The following KAZN variants were observed in gnomAD, a reference collection of about 807,000 sequenced individuals.
The protein encoded by KAZN is kazrin, periplakin interacting protein.
In KAZN, 40 loss-of-function variants were observed where a neutral mutation model predicts 87.4. The ratio of observed to expected loss-of-function variants is 0.46; its 90% confidence interval spans 0.36 to 0.60. The LOEUF is 0.60. Among genes scored for constraint, KAZN ranks in the 20% least tolerant of loss-of-function variants. The pLI, the probability that KAZN is intolerant of heterozygous loss-of-function variation, is 0.00. For missense variants in KAZN, 898 were observed against 1,073.9 expected (o/e 0.84, Z 2.29); for synonymous variants, 466 against 458.3 (o/e 1.02, Z -0.22).
intron 13 of KAZN, among the ~76,000 whole-genome samples, chr1:15,107,851 A>G (rs1460306169): frequency 6.6e-6 from 1 of 152,018 alleles, no homozygotes; most frequent in Non-Finnish European, 1.5e-5. Context: ...CTTCCTCTGT[A>G]ATAGGGGAAT....
chr1:14,001,654 A>G (rs759527567), intron 1 of KAZN, among the ~76,000 whole-genome samples: 20 of 152,326 alleles, frequency 1.3e-4, no homozygotes, highest in Admixed American at 5.9e-4. Context: ...ACCAAAACAG[A>G]CATATAGACC....
chr1:13,938,820 T>C (rs1019371771), intron 1 of KAZN, among the ~76,000 whole-genome samples: 2 of 152,232 alleles, frequency 1.3e-5, no homozygotes, highest in Non-Finnish European at 2.9e-5. Flanking sequence ...GCCTGCAGGC[T>C]TAACACCATG....
intron 8 of KAZN, among the ~76,000 whole-genome samples, chr1:15,068,363 G>A (rs952320143): frequency 2.0e-5 from 3 of 151,982 alleles, no homozygotes; most frequent in Non-Finnish European, 4.4e-5. Flanking sequence ...CGCCTCTGCC[G>A]CCCTGACTGT....
chr1:14,241,023 G>C (rs1648890069), intron 2 of KAZN, among the ~76,000 whole-genome samples: 1 of 152,210 alleles, frequency 6.6e-6, no homozygotes, highest in Middle Eastern at 3.2e-3. Flanking sequence ...GATCACAATG[G>C]GATCCCACTT....
At chr1:14,335,274 C>G (rs1657169715) in intron 2 of KAZN, among the ~76,000 whole-genome samples, 1 of 150,808 alleles carries the variant, frequency 6.6e-6, no homozygotes, top group Admixed American at 6.6e-5. Context: ...GCGATCTCGG[C>G]TCACTGCAAC....
Position 14,465,741 on chromosome 1 carries a change from TACG to T in KAZN, c.250-133239_250-133237del, listed in dbSNP as rs1668090551. Among the ~76,000 whole-genome samples, 2 of 152,176 alleles carry T rather than the reference TACG, an allele frequency of 1.3e-5. 1 individual carries two copies. The highest frequency in any genetic ancestry group is 4.8e-5 in the African/African-American group (2 of 41,446). On this transcript the variant is annotated intron_variant, in intron 2 of 16. Coordinates refer to the KAZN transcript ENST00000636203. ...AAAAGAATTTGTGCCAGCTTCACTTTACGACATGTCAGTTATTCAAATTCTGCT... is the reference window on the plus strand; with the variant it reads ...AAAAGAATTTGTGCCAGCTTCACTTTACATGTCAGTTATTCAAATTCTGCT...
intron 1 of KAZN, among the ~76,000 whole-genome samples, chr1:14,830,011 T>C (rs1479195305): frequency 6.6e-6 from 1 of 152,234 alleles, no homozygotes; most frequent in Admixed American, 6.5e-5. Flanking sequence ...CAGTTCTTTC[T>C]TCTTTGTGGC....
intron 1 of KAZN, among the ~76,000 whole-genome samples, chr1:14,003,345 A>G (rs950954060): frequency 6.6e-5 from 10 of 152,024 alleles, no homozygotes; most frequent in African/African-American, 2.4e-4. Context: ...AAAAAAAAAA[A>G]AAGAAAATTA....
rs1379462871 is a variant in KAZN, at chr1:14,133,376, AAAAAGAAAGAAAGAAAGAAAG to A, written c.92-47055_92-47035del. Among the ~76,000 whole-genome samples the A allele has an allele frequency of 1.8e-4, 14 of 75,924 alleles. 2 individuals are homozygous for A. The highest frequency in any genetic ancestry group is 9.8e-4 in the African/African-American group (13 of 13,322). The allele number at this position is 75,924 out of a possible 152,430, so 49.8% of individuals were successfully genotyped here. ...GTGAGACTCCCTCTCAAAAAAAAAA[AAAAAGAAAGAAAGAAAGAAAG>A]AAAGAAAGAAAGAAAGAAAGAAAGA... On this transcript the variant is annotated intron_variant, in intron 1 of 16. Transcript: ENST00000636203.
At chr1:14,146,536 CAAAAAAAAAA>C (rs55928646) in intron 1 of KAZN, among the ~76,000 whole-genome samples, 8 of 63,510 alleles carry the variant, frequency 1.3e-4, no homozygotes, top group Non-Finnish European at 1.7e-4. Context: ...AACTCCATCT[CAAAAAAAAAA>C]AAAAAAAAAA....
At chr1:14,158,149 G>C (rs942256045) in intron 1 of KAZN, among the ~76,000 whole-genome samples, 19 of 152,168 alleles carry the variant, frequency 1.2e-4, no homozygotes, top group Middle Eastern at 6.8e-3. Context: ...TCTTTCCGTA[G>C]GTTTTGGAAG....
At chr1:14,917,174 C>T (rs536498340) in intron 1 of KAZN, among the ~76,000 whole-genome samples, 9 of 152,306 alleles carry the variant, frequency 5.9e-5, no homozygotes, top group Non-Finnish European at 8.8e-5. Context: ...TCTCTAGCCT[C>T]GCCAGGACAG....
At chr1:14,049,500 A>C (rs796495642) in intron 1 of KAZN, among the ~76,000 whole-genome samples, 1 of 152,154 alleles carries the variant, frequency 6.6e-6, no homozygotes, top group Non-Finnish European at 1.5e-5. Context: ...CCTTCCAATG[A>C]GTACCTGCTG....
At chr1:14,533,296 G>A (rs1672313988) in intron 2 of KAZN, among the ~76,000 whole-genome samples, 3 of 152,268 alleles carry the variant, frequency 2.0e-5, no homozygotes, top group South Asian at 4.1e-4. Context: ...GGGAAAATGA[G>A]ATACATTGAA....
At chr1:14,822,322 C>T (rs984609131) in intron 1 of KAZN, among the ~76,000 whole-genome samples, 1 of 151,958 alleles carries the variant, frequency 6.6e-6, no homozygotes, top group Non-Finnish European at 1.5e-5. Flanking sequence ...GGAAGCACTG[C>T]GAGGATATGA....
chr1:15,071,495 T>G (rs932671775), intron 8 of KAZN, among the ~76,000 whole-genome samples: 3 of 152,172 alleles, frequency 2.0e-5, no homozygotes, highest in Admixed American at 6.5e-5. Context: ...CCTCAGGTGA[T>G]CCACCCACCT....
At chr1:14,913,843 C>T (rs900982423) in intron 1 of KAZN, among the ~76,000 whole-genome samples, 1 of 152,192 alleles carries the variant, frequency 6.6e-6, no homozygotes, top group African/African-American at 2.4e-5. Flanking sequence ...GGAAAGCAGC[C>T]GCAGGCGTGT....
chr1:14,877,657 C>A (rs545626992), intron 1 of KAZN, among the ~76,000 whole-genome samples: 1 of 152,190 alleles, frequency 6.6e-6, no homozygotes, highest in Non-Finnish European at 1.5e-5. Flanking sequence ...GGACAAGGTT[C>A]TTTCTCCTCT....
chr1:14,517,556 C>T (rs1203242014), intron 2 of KAZN, among the ~76,000 whole-genome samples: 1 of 152,230 alleles, frequency 6.6e-6, no homozygotes, highest in Non-Finnish European at 1.5e-5. Context: ...CATGCCTTAG[C>T]GCCATTTGTG....
Sources: gnomAD v4.1 joint callset for allele counts (sites outside exome capture counted in the v4.1 genomes callset) on GRCh38, gnomAD v4.1.1 for gene constraint, MANE v1.5 for transcripts, NCBI Gene and HGNC (gene_info 2026-07-23, HGNC 2026-07-21) for gene names.